RAB3C: variants seen among roughly 807,000 people sequenced by gnomAD.
RAB3C encodes the protein ras-related protein Rab-3C.
A neutral mutation model predicts 26.4 loss-of-function variants in RAB3C; 17 were observed. That is an observed-to-expected ratio of 0.64 (90% CI 0.44 to 0.97). The LOEUF (loss-of-function observed/expected upper bound fraction) is 0.97. RAB3C is among the 50% of genes least tolerant of loss of function. RAB3C has a pLI of 0.00. For missense variants in RAB3C, 242 were observed against 281.9 expected, an observed-to-expected ratio of 0.86 and a Z score of 1.01; for synonymous variants, 91 against 95.9, an observed-to-expected ratio of 0.95 and a Z score of 0.30.
intron 4 of RAB3C, among the ~76,000 whole-genome samples, chr5:58,849,381 A>G (rs1229927245): frequency 6.6e-6 from 1 of 152,152 alleles, no homozygotes; most frequent in Non-Finnish European, 1.5e-5. Context: ...GCATGCCAAT[A>G]GTTCTGATAT....
At chr5:58,821,217 C>T (rs1387812384) in intron 3 of RAB3C, among the ~76,000 whole-genome samples, 2 of 152,186 alleles carry the variant, frequency 1.3e-5, no homozygotes, top group Non-Finnish European at 2.9e-5. Flanking sequence ...CCCCTTGTCA[C>T]TAATCTCACT....
rs1273430586 is a variant in RAB3C at position 58,652,665 on chromosome 5, T to C, written c.252+34795T>C. ...GTACATACACATATACACATCTATA[T>C]ATTTAGATGTTTAGGGGTTTTTATC... On this transcript the variant is annotated intron_variant, in intron 2 of 4. Coordinates refer to ENST00000282878, the MANE Select transcript of RAB3C (RefSeq NM_138453.4). Among the ~76,000 whole-genome samples, 32 of 149,448 alleles carry C rather than the reference T, an allele frequency of 2.1e-4. No individual in the cohort carries two copies. In the Admixed American group the frequency reaches 2.1e-3, roughly 10 times the overall value.
At chr5:58,840,260 C>T (rs1743849174) in intron 4 of RAB3C, among the ~76,000 whole-genome samples, 2 of 151,826 alleles carry the variant, frequency 1.3e-5, no homozygotes, top group Non-Finnish European at 2.9e-5. Flanking sequence ...GTTGTTGAAG[C>T]TCTCAATGGT....
intron 3 of RAB3C, among the ~76,000 whole-genome samples, chr5:58,768,480 A>C: frequency 6.6e-6 from 1 of 152,156 alleles, no homozygotes; most frequent in East Asian, 1.9e-4. Flanking sequence ...GGTACAAACA[A>C]CAGATAAAAT....
At chr5:58,605,197 T>A (rs913401829) in intron 1 of RAB3C, among the ~76,000 whole-genome samples, 1 of 152,136 alleles carries the variant, frequency 6.6e-6, no homozygotes, top group African/African-American at 2.4e-5. Flanking sequence ...GCAGTCTGCT[T>A]CCATCAGAGG....
rs528301963 is a variant in RAB3C at position 58,733,396 on chromosome 5, C to T, written c.371+7276C>T. ...ACACTGGAAGCTGCAATGATGTTTA[C>T]GATGTGCTTCAGACTTGTCCATGTG... On this transcript the variant is annotated intron_variant, in intron 3 of 4. Transcript: ENST00000282878. Among the ~76,000 whole-genome samples the T allele has an allele frequency of 2.0e-5, 3 of 152,238 alleles. No individual in the cohort carries two copies. The South Asian group carries it at 6.2e-4, about 32-fold the overall frequency.
At chr5:58,693,968 A>G (rs1172570368) in intron 2 of RAB3C, among the ~76,000 whole-genome samples, 2 of 152,094 alleles carry the variant, frequency 1.3e-5, no homozygotes. Flanking sequence ...GTTCTAGGGT[A>G]CATGTGCACA....
At chr5:58,734,067 A>G (rs1225663747) in intron 3 of RAB3C, among the ~76,000 whole-genome samples, 1 of 152,174 alleles carries the variant, frequency 6.6e-6, no homozygotes, top group Admixed American at 6.5e-5. Context: ...GATATTTTTT[A>G]AGAAATCAGA....
At chr5:58,624,723 C>G (rs1042078928) in intron 2 of RAB3C, among the ~76,000 whole-genome samples, 3 of 152,092 alleles carry the variant, frequency 2.0e-5, no homozygotes, top group Non-Finnish European at 4.4e-5. Flanking sequence ...GTGGAACATG[C>G]AGGCAAAGAT....
intron 3 of RAB3C, among the ~76,000 whole-genome samples, chr5:58,814,487 T>C (rs1425285208): frequency 6.6e-6 from 1 of 152,206 alleles, no homozygotes; most frequent in African/African-American, 2.4e-5. Flanking sequence ...CAAGCCTGAT[T>C]GCCTTCCCAC....
At chr5:58,606,427 G>A (rs1164706474) in intron 1 of RAB3C, among the ~76,000 whole-genome samples, 2 of 152,196 alleles carry the variant, frequency 1.3e-5, no homozygotes, top group Non-Finnish European at 2.9e-5. Context: ...AGCTCAGCAA[G>A]GCCTACTGCC....
intron 2 of RAB3C, among the ~76,000 whole-genome samples, chr5:58,649,692 C>A (rs1747603027): frequency 6.6e-6 from 1 of 152,092 alleles, no homozygotes; most frequent in Middle Eastern, 3.2e-3. Context: ...GCTCTTGTCT[C>A]TCCCTGCTTA....
chr5:58,655,220 T>C (rs1003172246), intron 2 of RAB3C, among the ~76,000 whole-genome samples: 1 of 152,188 alleles, frequency 6.6e-6, no homozygotes, highest in African/African-American at 2.4e-5. Context: ...CAGGGAATAC[T>C]TTAGTCAAGT....
At chr5:58,627,760 C>G (rs951465315) in intron 2 of RAB3C, among the ~76,000 whole-genome samples, 6 of 152,148 alleles carry the variant, frequency 3.9e-5, no homozygotes, top group Non-Finnish European at 7.4e-5. Context: ...TCACTTGATA[C>G]AAATCACTTT....
Position 58,856,494 on chromosome 5 carries a change from A to G in RAB3C, c.*5143A>G, listed in dbSNP as rs986458606. 1 of 152,136 alleles carries G rather than the reference A, an allele frequency of 6.6e-6. No homozygotes were observed. Among genetic ancestry groups the G allele is most frequent in the East Asian group, 1.9e-4 (1 of 5,194 alleles). The allele number at this position is 152,136 out of a possible 1,614,324, so 9.4% of individuals were successfully genotyped here. On this transcript the variant is annotated 3_prime_UTR_variant, in exon 5 of 5. Transcript: ENST00000282878. ...GACCAAGAATAGAAAATGAGACTCA[A>G]ATTTCACCATTTACTTCCCATCAGC...
chr5:58,629,148 T>C (rs1747133463), intron 2 of RAB3C, among the ~76,000 whole-genome samples: 1 of 151,890 alleles, frequency 6.6e-6, no homozygotes. Context: ...CTTTTGGTAA[T>C]CTGGCAGGTG....
Position 58,586,297 on chromosome 5 carries a change from A to C in RAB3C, c.24+3065A>C, listed in dbSNP as rs1746006629. Reference sequence around the variant, plus strand: ...AAGACTAAATAACTTTCCCACTAGGATAGAGTAAAATTTCCGCCAGATCTC... The same window carrying C: ...AAGACTAAATAACTTTCCCACTAGGCTAGAGTAAAATTTCCGCCAGATCTC... On this transcript the variant is annotated intron_variant, in intron 1 of 4. Transcript: ENST00000282878. 2.0e-5 allele frequency among the ~76,000 whole-genome samples: 3 copies of C among 152,038 alleles called. No homozygotes were observed. The South Asian group carries it at 6.2e-4, about 31-fold the overall frequency.
At position 58,693,789 on chromosome 5, in the gene RAB3C, G is replaced by A. The variant is rs115961333; in HGVS notation, c.253-32213G>A. On this transcript the variant is annotated intron_variant, in intron 2 of 4. Transcript: ENST00000282878. ...AGGGCTCAATAAATGTTTGCCTGAT[G>A]GCATGCCAATTCTAGTCTATGCAGG... is the stretch of plus-strand genomic sequence containing the variant. Among the ~76,000 whole-genome samples the A allele has an allele frequency of 2.6e-3, 400 of 152,152 alleles. 1 individual carries two copies. Among genetic ancestry groups the A allele is most frequent in the African/African-American group, 8.9e-3 (368 of 41,500 alleles).
intron 1 of RAB3C, among the ~76,000 whole-genome samples, chr5:58,597,594 A>T (rs1366117685): frequency 1.5e-5 from 2 of 130,960 alleles, no homozygotes; most frequent in African/African-American, 2.7e-5. Context: ...ATAGTTCATT[A>T]TATATAAGCA....
Sources: allele counts gnomAD v4.1 joint callset (sites outside exome capture counted in the v4.1 genomes callset), GRCh38; gene constraint gnomAD v4.1.1; transcripts MANE v1.5; gene names NCBI Gene and HGNC (gene_info 2026-07-23, HGNC 2026-07-21).